NRG1: variants seen among roughly 807,000 people sequenced by gnomAD.
NRG1 encodes neuregulin 1, also known as pro-neuregulin-1, membrane-bound isoform.
A neutral mutation model predicts 63.8 loss-of-function variants in NRG1; 18 were observed. The observed-to-expected ratio is 0.28, with a 90% CI of 0.19 to 0.42. NRG1 has a LOEUF of 0.42. Ranked by LOEUF, NRG1 falls within the 10% of genes least tolerant of loss-of-function variation. The probability of loss-of-function intolerance (pLI) is 1.00; values close to 1 mark genes in which losing one functional copy is unlikely to be tolerated. For missense variants in NRG1, 762 were observed against 814.7 expected (o/e 0.94, Z 0.79); for synonymous variants, 302 against 301.3 (o/e 1.00, Z -0.02).
intron 1 of NRG1, among the ~76,000 whole-genome samples, chr8:32,345,760 A>T (rs1352411146): frequency 6.6e-6 from 1 of 152,120 alleles, no homozygotes; most frequent in Non-Finnish European, 1.5e-5. Context: ...ATTTGAGGTC[A>T]GGAGTTCGAG....
chr8:32,162,440 A>G (rs7839975), intron 1 of NRG1, among the ~76,000 whole-genome samples: 111,805 of 152,050 alleles, frequency 0.74, 41,961 homozygotes, highest in African/African-American at 0.82. Context: ...GAATGGCATT[A>G]CAACAAAACT....
intron 1 of NRG1, among the ~76,000 whole-genome samples, chr8:32,183,153 G>A (rs1250559793): frequency 3.9e-5 from 6 of 152,204 alleles, no homozygotes; most frequent in Non-Finnish European, 7.3e-5. Flanking sequence ...GCTGGATGGT[G>A]GAGCTGGGCT....
intron 1 of NRG1, among the ~76,000 whole-genome samples, chr8:32,515,247 T>C (rs1417229740): frequency 1.3e-5 from 2 of 152,176 alleles, no homozygotes; most frequent in Non-Finnish European, 2.9e-5. Context: ...TGTATAAGCA[T>C]TCCCTTTTCT....
chr8:32,430,310 T>C (rs1036667923), intron 1 of NRG1, among the ~76,000 whole-genome samples: 1 of 152,224 alleles, frequency 6.6e-6, no homozygotes, highest in Non-Finnish European at 1.5e-5. Flanking sequence ...GGGAATGTTA[T>C]AATATTTCTC....
intron 5 of NRG1, among the ~76,000 whole-genome samples, chr8:32,624,556 T>A (rs985653494): frequency 6.6e-6 from 1 of 152,178 alleles, no homozygotes; most frequent in Non-Finnish European, 1.5e-5. Context: ...TGTGTTTCAT[T>A]GGGCAGACAA....
intron 5 of NRG1, among the ~76,000 whole-genome samples, chr8:32,624,490 A>G (rs1848858776): frequency 6.6e-6 from 1 of 152,226 alleles, no homozygotes; most frequent in African/African-American, 2.4e-5. Context: ...AAATCAGAAA[A>G]TAGGTATTAG....
intron 1 of NRG1, among the ~76,000 whole-genome samples, chr8:31,689,607 T>C (rs1257458071): frequency 1.3e-5 from 2 of 152,220 alleles, no homozygotes; most frequent in Non-Finnish European, 2.9e-5. Context: ...CATTGCTTTA[T>C]TTCTTTATTT....
At chr8:32,374,371 T>A (rs1456053072) in intron 1 of NRG1, among the ~76,000 whole-genome samples, 1 of 152,136 alleles carries the variant, frequency 6.6e-6, no homozygotes, top group Non-Finnish European at 1.5e-5. Context: ...CCACATTACA[T>A]CATAAAGAGA....
chr8:32,755,916 A>AT (rs1275161526), intron 8 of NRG1, among the ~76,000 whole-genome samples: 2 of 151,804 alleles, frequency 1.3e-5, no homozygotes, highest in Non-Finnish European at 2.9e-5. Flanking sequence ...TAATTTTTGT[A>AT]TTTTTTGTAG....
intron 1 of NRG1, among the ~76,000 whole-genome samples, chr8:32,372,040 G>A (rs969847664): frequency 3.4e-5 from 5 of 146,228 alleles, no homozygotes; most frequent in African/African-American, 1.3e-4. Context: ...CCAGGCTGGA[G>A]TGCAATTGTG....
chr8:32,180,546 T>C (rs1480618305), intron 1 of NRG1, among the ~76,000 whole-genome samples: 1 of 152,182 alleles, frequency 6.6e-6, no homozygotes, highest in Non-Finnish European at 1.5e-5. Flanking sequence ...AACTTATTAT[T>C]TCAGTATGTC....
intron 1 of NRG1, among the ~76,000 whole-genome samples, chr8:31,804,473 C>T (rs777048033): frequency 1.3e-5 from 2 of 152,170 alleles, no homozygotes; most frequent in Non-Finnish European, 2.9e-5. Context: ...CTCAGGCCTG[C>T]TCCTCTGGCC....
intron 1 of NRG1, among the ~76,000 whole-genome samples, chr8:32,117,752 T>C (rs181641922): frequency 6.6e-6 from 1 of 152,274 alleles, no homozygotes; most frequent in East Asian, 1.9e-4. Context: ...GGCATTCCTA[T>C]GGAATAATCT....
intron 1 of NRG1, among the ~76,000 whole-genome samples, chr8:32,301,443 C>T (rs926652615): frequency 7.2e-5 from 11 of 152,134 alleles, no homozygotes; most frequent in African/African-American, 2.2e-4. Flanking sequence ...TATGCTTTGG[C>T]TAAATTTTGT....
chr8:32,065,765 A>C (rs577592814), intron 1 of NRG1, among the ~76,000 whole-genome samples: 22 of 152,232 alleles, frequency 1.4e-4, no homozygotes, highest in Non-Finnish European at 2.5e-4. Flanking sequence ...CGCCACCCTG[A>C]CTTCCACAAT....
chr8:31,924,250 G>A (rs1051086295), intron 1 of NRG1, among the ~76,000 whole-genome samples: 6 of 151,882 alleles, frequency 4.0e-5, no homozygotes, highest in African/African-American at 1.2e-4. Flanking sequence ...AGTTACTCAG[G>A]AGGCTGAGGC....
At chr8:32,647,186 G>T in intron 5 of NRG1, 3 of 985,340 alleles carry the variant, frequency 3.0e-6, no homozygotes, top group Non-Finnish European at 3.6e-6. Context: ...AGCCGTCGTC[G>T]CGTTAACACA....
At chr8:32,372,305 T>G (rs1232392654) in intron 1 of NRG1, among the ~76,000 whole-genome samples, 1 of 152,014 alleles carries the variant, frequency 6.6e-6, no homozygotes, top group Non-Finnish European at 1.5e-5. Context: ...TACTGAAATT[T>G]TTTTTTTTAT....
Position 32,054,863 on chromosome 8 carries a change from C to CTTTTTT in NRG1, c.37+415470_37+415475dup, listed in dbSNP as rs543522972. Among the ~76,000 whole-genome samples, 31 of 64,004 alleles carry CTTTTTT rather than the reference C, an allele frequency of 4.8e-4. 3 individuals carry two copies. The highest frequency in any genetic ancestry group is 1.5e-3 in the African/African-American group (25 of 16,402). The allele number at this position is 64,004 out of a possible 152,430, so 42.0% of individuals were successfully genotyped here. A position where few individuals can be genotyped will look rare whatever the true frequency, so the allele number is the denominator to read the frequency against. On this transcript the variant is annotated intron_variant, in intron 1 of 10. Coordinates refer to the NRG1 transcript ENST00000519301. ...CCTTGAAAAGCAGATTTCTTTCTTT[C>CTTTTTT]TTTTTTTTTTTTTTTTTTTTTTTTT...
Sources: gnomAD v4.1 joint callset for allele counts (sites outside exome capture counted in the v4.1 genomes callset) on GRCh38, gnomAD v4.1.1 for gene constraint, MANE v1.5 for transcripts, NCBI Gene and HGNC (gene_info 2026-07-23, HGNC 2026-07-21) for gene names.